Variants in DLGAP1 observed in about 807,000 individuals in gnomAD.
DLGAP1 encodes the protein DLG associated protein 1, also known as disks large-associated protein 1.
In DLGAP1, 11 loss-of-function variants were observed where a neutral mutation model predicts 90.8. The observed-to-expected ratio is 0.12, with a 90% CI of 0.08 to 0.20. The LOEUF (loss-of-function observed/expected upper bound fraction) is 0.20. Ranked by LOEUF, DLGAP1 falls within the 10% of genes least tolerant of loss-of-function variation. The pLI, the probability that DLGAP1 is intolerant of heterozygous loss-of-function variation, is 1.00. For missense variants in DLGAP1, 1,050 were observed against 1,333.8 expected (o/e 0.79, Z 3.31); for synonymous variants, 558 against 540.7 (o/e 1.03, Z -0.44).
At chr18:4,221,798 T>G (rs1268267330) in intron 1 of DLGAP1, among the ~76,000 whole-genome samples, 1 of 152,170 alleles carries the variant, frequency 6.6e-6, no homozygotes, top group Non-Finnish European at 1.5e-5. Context: ...CTCAACCTGC[T>G]TAAAATCTGA....
chr18:4,133,465 G>C (rs2293095), intron 2 of DLGAP1, among the ~76,000 whole-genome samples: 1 of 152,252 alleles, frequency 6.6e-6, no homozygotes, highest in African/African-American at 2.4e-5. Flanking sequence ...AAATTAATGG[G>C]ATCTTTTACA....
intron 2 of DLGAP1, among the ~76,000 whole-genome samples, chr18:4,057,110 T>G (rs996461012): frequency 6.0e-5 from 9 of 149,620 alleles, no homozygotes; most frequent in African/African-American, 2.2e-4. Flanking sequence ...GAGGGGCTCC[T>G]GCCACCAGCA....
chr18:3,953,091 T>G (rs2073020540), intron 3 of DLGAP1, among the ~76,000 whole-genome samples: 1 of 152,206 alleles, frequency 6.6e-6, no homozygotes, highest in Admixed American at 6.5e-5. Flanking sequence ...TCCTGAGAAA[T>G]TGCTTTACCT....
At chr18:3,792,344 G>C (rs1381408753) in intron 5 of DLGAP1, among the ~76,000 whole-genome samples, 3 of 151,996 alleles carry the variant, frequency 2.0e-5, no homozygotes, top group Non-Finnish European at 4.4e-5. Context: ...AGCCAGGCAT[G>C]GTGGTGCATG....
At chr18:3,634,473 G>C (rs2058629457) in intron 7 of DLGAP1, among the ~76,000 whole-genome samples, 1 of 152,148 alleles carries the variant, frequency 6.6e-6, no homozygotes, top group Non-Finnish European at 1.5e-5. Context: ...ACTCATCACT[G>C]GTTGATCATC....
chr18:4,245,305 C>A (rs531687747), intron 1 of DLGAP1, among the ~76,000 whole-genome samples: 3 of 152,254 alleles, frequency 2.0e-5, no homozygotes, highest in Admixed American at 6.5e-5. Flanking sequence ...ACTTTTCTTT[C>A]ATCAGCATTA....
chr18:3,940,891 T>C (rs1421647689), intron 3 of DLGAP1, among the ~76,000 whole-genome samples: 1 of 152,182 alleles, frequency 6.6e-6, no homozygotes, highest in Non-Finnish European at 1.5e-5. Flanking sequence ...AGTGAAATAA[T>C]TTTGCATTTC....
intron 1 of DLGAP1, among the ~76,000 whole-genome samples, chr18:4,329,666 T>A (rs2080904990): frequency 6.6e-6 from 1 of 152,006 alleles, no homozygotes; most frequent in African/African-American, 2.4e-5. Flanking sequence ...CTTTTTAAAT[T>A]TCTTGGTTAT....
At chr18:4,256,170 T>C (rs2078883574) in intron 1 of DLGAP1, among the ~76,000 whole-genome samples, 2 of 152,154 alleles carry the variant, frequency 1.3e-5, no homozygotes. Flanking sequence ...ATAATAGAAA[T>C]CATACTTCTT....
At chr18:4,273,752 T>C (rs1373315303) in intron 1 of DLGAP1, among the ~76,000 whole-genome samples, 1 of 152,226 alleles carries the variant, frequency 6.6e-6, no homozygotes, top group Non-Finnish European at 1.5e-5. Context: ...AATTTTTACA[T>C]ATGGTGAGAA....
chr18:3,900,775 T>G (rs1428408696), intron 3 of DLGAP1, among the ~76,000 whole-genome samples: 4 of 151,972 alleles, frequency 2.6e-5, no homozygotes, highest in African/African-American at 9.7e-5. Flanking sequence ...AATGTGGGAG[T>G]TTGATGTAAC....
chr18:4,271,385 G>A (rs551920), intron 1 of DLGAP1, among the ~76,000 whole-genome samples: 1 of 152,006 alleles, frequency 6.6e-6, no homozygotes, highest in African/African-American at 2.4e-5. Flanking sequence ...TATGAAGTGA[G>A]AGCAAGTAAG....
At chr18:4,070,530 G>T (rs61645561) in intron 2 of DLGAP1, among the ~76,000 whole-genome samples, 124,952 of 151,454 alleles carry the variant, frequency 0.83, 51,754 homozygotes, top group East Asian at 0.94. Flanking sequence ...TTTGCATAAG[G>T]TTTTCCCATA....
At chr18:4,439,364 G>T (rs2144813138) in intron 1 of DLGAP1, among the ~76,000 whole-genome samples, 1 of 152,310 alleles carries the variant, frequency 6.6e-6, no homozygotes, top group Non-Finnish European at 1.5e-5. Flanking sequence ...ATGCCTAGTT[G>T]TTATTATAAG....
At chr18:3,600,690 C>CTATATAGATATATATAGA (rs1490637191) in intron 7 of DLGAP1, among the ~76,000 whole-genome samples, 3,228 of 59,742 alleles carry the variant, frequency 0.054, 828 homozygotes, top group African/African-American at 0.21. Flanking sequence ...CTATAGAGAT[C>CTATATAGATATATATAGA]TATATAGATA....
chr18:4,069,626 C>T (rs2075418634), intron 2 of DLGAP1, among the ~76,000 whole-genome samples: 1 of 152,134 alleles, frequency 6.6e-6, no homozygotes, highest in South Asian at 2.1e-4. Context: ...TGTGACATGC[C>T]CACTGCCTCT....
At chr18:3,951,574 G>T (rs560859267) in intron 3 of DLGAP1, among the ~76,000 whole-genome samples, 2 of 152,168 alleles carry the variant, frequency 1.3e-5, no homozygotes, top group African/African-American at 2.4e-5. Context: ...TTACAGAGAA[G>T]AAAAGTTGAG....
At chr18:4,329,733 T>TTTC (rs1216685256) in intron 1 of DLGAP1, among the ~76,000 whole-genome samples, 1 of 152,058 alleles carries the variant, frequency 6.6e-6, no homozygotes, top group Non-Finnish European at 1.5e-5. Flanking sequence ...TTTTTAATGC[T>TTTC]TTCATGCTAT....
intron 2 of DLGAP1, among the ~76,000 whole-genome samples, chr18:4,062,434 T>C (rs2075312365): frequency 6.6e-6 from 1 of 152,142 alleles, no homozygotes; most frequent in South Asian, 2.1e-4. Flanking sequence ...AGAATGTCAC[T>C]TTCTGACAGG....
Sources: gnomAD v4.1 joint callset for allele counts (sites outside exome capture counted in the v4.1 genomes callset) on GRCh38, gnomAD v4.1.1 for gene constraint, MANE v1.5 for transcripts, NCBI Gene and HGNC (gene_info 2026-07-23, HGNC 2026-07-21) for gene names.